SIL1: variants seen among roughly 807,000 people sequenced by gnomAD.
The protein encoded by SIL1 is SIL1 nucleotide exchange factor.
A neutral mutation model predicts 49.1 loss-of-function variants in SIL1; 40 were observed. The observed-to-expected ratio is 0.81, with a 90% CI of 0.63 to 1.06. SIL1 has a LOEUF of 1.06. Ranked by LOEUF, SIL1 falls within the 50% of genes least tolerant of loss-of-function variation. SIL1 has a pLI of 0.00. For synonymous variants in SIL1, 253 were observed against 250.8 expected, an observed-to-expected ratio of 1.01 and a Z score of -0.08; for missense variants, 500 against 572.6, an observed-to-expected ratio of 0.87 and a Z score of 1.29.
At chr5:139,103,342 C>T (rs1267406116) in intron 3 of SIL1, among the ~76,000 whole-genome samples, 1 of 152,214 alleles carries the variant, frequency 6.6e-6, no homozygotes, top group East Asian at 1.9e-4. Context: ...TTCCTTCCTC[C>T]CTCTTTTTAA....
chr5:139,135,870 G>A (rs957075817), intron 1 of SIL1, among the ~76,000 whole-genome samples: 1 of 152,052 alleles, frequency 6.6e-6, no homozygotes, highest in African/African-American at 2.4e-5. Context: ...CTCGAGACCA[G>A]CCTGGCCAAC....
At chr5:139,114,861 G>C (rs1041703432) in intron 3 of SIL1, among the ~76,000 whole-genome samples, 3 of 152,022 alleles carry the variant, frequency 2.0e-5, no homozygotes, top group African/African-American at 7.3e-5. Context: ...CTGTGCTTGA[G>C]CCAGGGTGAA....
intron 1 of SIL1, among the ~76,000 whole-genome samples, chr5:139,153,070 G>A (rs1751339013): frequency 1.3e-5 from 2 of 152,110 alleles, no homozygotes; most frequent in African/African-American, 4.8e-5. Flanking sequence ...CGCCCCCCTT[G>A]GCCTCCCAAA....
chr5:139,181,205 A>G (rs1283862714), intron 1 of SIL1, among the ~76,000 whole-genome samples: 1 of 152,128 alleles, frequency 6.6e-6, no homozygotes, highest in Non-Finnish European at 1.5e-5. Flanking sequence ...GTGACTCTTA[A>G]TGTTACATCC....
intron 7 of SIL1, among the ~76,000 whole-genome samples, chr5:138,968,777 G>C (rs764165612): frequency 6.6e-6 from 1 of 152,172 alleles, no homozygotes; most frequent in South Asian, 2.1e-4. Flanking sequence ...CAGACACAAG[G>C]CTGGCTCTGT....
intron 7 of SIL1, among the ~76,000 whole-genome samples, chr5:138,982,744 T>C (rs921550430): frequency 2.6e-5 from 4 of 152,178 alleles, no homozygotes; most frequent in East Asian, 1.9e-4. Flanking sequence ...TTCCCTAGCA[T>C]AGTTCTTTTC....
chr5:139,048,241 C>T (rs1278157876), intron 4 of SIL1, among the ~76,000 whole-genome samples: 1 of 152,090 alleles, frequency 6.6e-6, no homozygotes, highest in Non-Finnish European at 1.5e-5. Context: ...GCCTCAACCT[C>T]CCCAGGCTCA....
intron 3 of SIL1, among the ~76,000 whole-genome samples, chr5:139,073,092 T>C (rs180680219): frequency 2.4e-4 from 36 of 152,342 alleles, no homozygotes; most frequent in African/African-American, 7.5e-4. Context: ...AGAAGCTTTG[T>C]ACACTGCTGA....
chr5:139,126,714 T>TG (rs1286418736), intron 2 of SIL1, among the ~76,000 whole-genome samples: 1 of 151,918 alleles, frequency 6.6e-6, no homozygotes, highest in Non-Finnish European at 1.5e-5. Context: ...CTCCACGAAG[T>TG]GGGGGGAAAG....
At chr5:139,167,595 AAC>A (rs1369958877) in intron 1 of SIL1, among the ~76,000 whole-genome samples, 5 of 152,236 alleles carry the variant, frequency 3.3e-5, no homozygotes, top group Admixed American at 6.5e-5. Context: ...ATTATGAGTC[AAC>A]AGTTTTAAAT....
At chr5:139,064,679 G>A (rs1436374641) in intron 3 of SIL1, among the ~76,000 whole-genome samples, 3 of 152,192 alleles carry the variant, frequency 2.0e-5, no homozygotes, top group Non-Finnish European at 4.4e-5. Context: ...TGTATTGCTG[G>A]TTTCACTAGA....
chr5:138,986,886 T>C (rs909172169), intron 7 of SIL1, among the ~76,000 whole-genome samples: 2 of 152,156 alleles, frequency 1.3e-5, no homozygotes, highest in Non-Finnish European at 2.9e-5. Context: ...CTTCTTGACA[T>C]TGTAAAATAA....
At chr5:139,097,485 CTTTTT>C (rs58976541) in intron 3 of SIL1, among the ~76,000 whole-genome samples, 1 of 143,248 alleles carries the variant, frequency 7.0e-6, no homozygotes, top group Non-Finnish European at 1.5e-5. Context: ...TAGCATTTCT[CTTTTT>C]TTTTTTTTTT....
chr5:138,961,004 C>CATCA, intron 7 of SIL1, among the ~76,000 whole-genome samples: 2 of 152,230 alleles, frequency 1.3e-5, no homozygotes, highest in East Asian at 3.9e-4. Context: ...TTCAATAATT[C>CATCA]ATCAAGTAGA....
intron 1 of SIL1, among the ~76,000 whole-genome samples, chr5:139,142,756 A>G (rs1312371193): frequency 6.6e-6 from 1 of 151,844 alleles, no homozygotes; most frequent in Non-Finnish European, 1.5e-5. Context: ...CACTTTCACC[A>G]CCTCTTTTAC....
chr5:139,038,080 G>A (rs549859403), intron 5 of SIL1, among the ~76,000 whole-genome samples: 2 of 152,236 alleles, frequency 1.3e-5, no homozygotes, highest in East Asian at 1.9e-4. Context: ...TCCCTCTTGA[G>A]CCTAACCCTC....
At chr5:139,165,793 G>A (rs1751605957) in intron 1 of SIL1, among the ~76,000 whole-genome samples, 1 of 151,714 alleles carries the variant, frequency 6.6e-6, no homozygotes. Context: ...GAGTAGCTGG[G>A]GCTACAGGTA....
At chr5:139,196,014 G>C (rs1235820734) in intron 1 of SIL1, among the ~76,000 whole-genome samples, 1 of 152,120 alleles carries the variant, frequency 6.6e-6, no homozygotes, top group Non-Finnish European at 1.5e-5. Context: ...GCGAGACCCT[G>C]TCTCTACAAA....
chr5:139,088,040 G>A (rs1020443303), intron 3 of SIL1, among the ~76,000 whole-genome samples: 1 of 152,170 alleles, frequency 6.6e-6, no homozygotes, highest in East Asian at 1.9e-4. Flanking sequence ...CACTGCCTCT[G>A]CTCCAGGTTC....
Sources: gnomAD v4.1 joint callset for allele counts (sites outside exome capture counted in the v4.1 genomes callset) on GRCh38, gnomAD v4.1.1 for gene constraint, MANE v1.5 for transcripts, NCBI Gene and HGNC (gene_info 2026-07-23, HGNC 2026-07-21) for gene names.